The following MGAT4C variants were observed in gnomAD, a reference collection of about 807,000 sequenced individuals.
MGAT4C encodes the protein MGAT4 family member C, also known as alpha-1,3-mannosyl-glycoprotein 4-beta-N-acetylglucosaminyltransferase C.
In MGAT4C, 19 loss-of-function variants were observed where a neutral mutation model predicts 40.1. That is an observed-to-expected ratio of 0.47 (90% CI 0.33 to 0.70). MGAT4C has a LOEUF of 0.70. Among genes scored for constraint, MGAT4C ranks in the 30% least tolerant of loss-of-function variants. The pLI, the probability that MGAT4C is intolerant of heterozygous loss-of-function variation, is 0.02. For synonymous variants in MGAT4C, 181 were observed against 187.1 expected (o/e 0.97, Z 0.27); for missense variants, 491 against 563.2 (o/e 0.87, Z 1.30).
At chr12:85,985,930 T>C (rs1392644450) in intron 3 of MGAT4C, among the ~76,000 whole-genome samples, 3 of 152,204 alleles carry the variant, frequency 2.0e-5, no homozygotes, top group Non-Finnish European at 4.4e-5. Context: ...TACCATTCTA[T>C]TCTTAGGTGA....
chr12:86,467,199 T>C (rs140444490), intron 2 of MGAT4C, among the ~76,000 whole-genome samples: 359 of 152,276 alleles, frequency 2.4e-3, no homozygotes, highest in Non-Finnish European at 3.8e-3. Context: ...CCTGGCCATG[T>C]TCTTAAAAGA....
chr12:86,604,372 G>T (rs2136465597), intron 2 of MGAT4C, among the ~76,000 whole-genome samples: 1 of 152,202 alleles, frequency 6.6e-6, no homozygotes, highest in Non-Finnish European at 1.5e-5. Context: ...AGCTAGAGCT[G>T]CAGATGTAAG....
At chr12:86,236,441 A>G (rs921217856) in intron 1 of MGAT4C, among the ~76,000 whole-genome samples, 1 of 152,066 alleles carries the variant, frequency 6.6e-6, no homozygotes, top group African/African-American at 2.4e-5. Context: ...ATACATTATA[A>G]GCAAAAATCA....
At chr12:86,633,256 T>C (rs1282196026) in intron 2 of MGAT4C, among the ~76,000 whole-genome samples, 2 of 152,042 alleles carry the variant, frequency 1.3e-5, no homozygotes, top group Admixed American at 1.3e-4. Flanking sequence ...TTTAAAATAT[T>C]TTTAGATGTA....
intron 1 of MGAT4C, among the ~76,000 whole-genome samples, chr12:86,250,336 A>ACT (rs1323647770): frequency 1.5e-3 from 5 of 3,358 alleles, no homozygotes; most frequent in East Asian, 0.022. Context: ...ACACTGAGAG[A>ACT]GAGAGAGAGA....
intron 2 of MGAT4C, among the ~76,000 whole-genome samples, chr12:86,498,677 A>T (rs1958283926): frequency 6.6e-6 from 1 of 151,922 alleles, no homozygotes; most frequent in Non-Finnish European, 1.5e-5. Flanking sequence ...TCCTATTGCT[A>T]TTGTGGTGAG....
intron 4 of MGAT4C, among the ~76,000 whole-genome samples, chr12:86,278,921 G>A (rs1953144200): frequency 6.8e-6 from 1 of 147,284 alleles, no homozygotes; most frequent in African/African-American, 2.5e-5. Flanking sequence ...TTTAGCAACA[G>A]TTGAAATTAT....
At chr12:85,992,063 G>A (rs1886012867) in intron 2 of MGAT4C, among the ~76,000 whole-genome samples, 1 of 152,162 alleles carries the variant, frequency 6.6e-6, no homozygotes, top group Non-Finnish European at 1.5e-5. Flanking sequence ...CATTTTGGGG[G>A]CTCATCCAGG....
At chr12:86,487,493 T>A (rs969580639) in intron 2 of MGAT4C, among the ~76,000 whole-genome samples, 9 of 152,194 alleles carry the variant, frequency 5.9e-5, no homozygotes, top group African/African-American at 2.2e-4. Flanking sequence ...CTTACCAATT[T>A]AGAAAACAAG....
intron 2 of MGAT4C, among the ~76,000 whole-genome samples, chr12:86,602,905 TG>T (rs1244878481): frequency 3.9e-5 from 6 of 151,918 alleles, no homozygotes; most frequent in Admixed American, 3.9e-4. Context: ...TGTGTGTGTG[TG>T]TGTGTGTAAA....
chr12:86,004,532 T>C (rs535021809), intron 2 of MGAT4C, among the ~76,000 whole-genome samples: 1 of 152,192 alleles, frequency 6.6e-6, no homozygotes, highest in Non-Finnish European at 1.5e-5. Context: ...TGCTTCATGA[T>C]GGTGTTGATT....
intron 1 of MGAT4C, among the ~76,000 whole-genome samples, chr12:86,790,457 T>G (rs888974037): frequency 2.6e-5 from 4 of 152,090 alleles, no homozygotes; most frequent in Non-Finnish European, 5.9e-5. Flanking sequence ...AAGTTTTATT[T>G]TGGGTTTTGC....
intron 4 of MGAT4C, among the ~76,000 whole-genome samples, chr12:86,306,657 G>C (rs1953940438): frequency 6.6e-6 from 1 of 150,414 alleles, no homozygotes; most frequent in Non-Finnish European, 1.5e-5. Flanking sequence ...CAAAATTAAT[G>C]TAATAATATG....
At chr12:86,285,255 T>C (rs929357454) in intron 4 of MGAT4C, among the ~76,000 whole-genome samples, 1 of 152,022 alleles carries the variant, frequency 6.6e-6, no homozygotes, top group Non-Finnish European at 1.5e-5. Context: ...GAGTCAGTTA[T>C]GTAAGGGCCT....
intron 1 of MGAT4C, among the ~76,000 whole-genome samples, chr12:86,153,813 A>G (rs1028330562): frequency 6.6e-5 from 10 of 152,164 alleles, no homozygotes; most frequent in African/African-American, 2.4e-4. Context: ...TGGAACTGTG[A>G]GTCAATTAAA....
At chr12:85,997,512 C>T (rs560814118) in intron 2 of MGAT4C, among the ~76,000 whole-genome samples, 1 of 152,140 alleles carries the variant, frequency 6.6e-6, no homozygotes, top group Non-Finnish European at 1.5e-5. Flanking sequence ...GCCTATGAGA[C>T]TGTAAAATCA....
chr12:86,551,780 A>AT (rs1959375902), intron 2 of MGAT4C, among the ~76,000 whole-genome samples: 1 of 152,202 alleles, frequency 6.6e-6, no homozygotes, highest in Non-Finnish European at 1.5e-5. Context: ...CACCACTGCC[A>AT]TAAATTCTCT....
intron 4 of MGAT4C, among the ~76,000 whole-genome samples, chr12:86,316,659 T>C (rs1242182368): frequency 6.6e-6 from 1 of 152,052 alleles, no homozygotes; most frequent in Non-Finnish European, 1.5e-5. Flanking sequence ...AGATAAATAT[T>C]GAGTACCAAT....
At chr12:86,045,046 G>A (rs1288138237) in intron 2 of MGAT4C, among the ~76,000 whole-genome samples, 1 of 151,910 alleles carries the variant, frequency 6.6e-6, no homozygotes, top group Non-Finnish European at 1.5e-5. Flanking sequence ...CCCGTTCAGG[G>A]TTCCCAGCCT....
Sources: gnomAD v4.1 joint callset for allele counts (sites outside exome capture counted in the v4.1 genomes callset) on GRCh38, gnomAD v4.1.1 for gene constraint, MANE v1.5 for transcripts, NCBI Gene and HGNC (gene_info 2026-07-23, HGNC 2026-07-21) for gene names.